The following TANC2 variants were observed in gnomAD, a reference collection of about 807,000 sequenced individuals.
TANC2 encodes protein TANC2.
TANC2 carries 26 observed loss-of-function variants against 210.5 expected under a neutral mutation model. The observed-to-expected ratio is 0.12, with a 90% CI of 0.09 to 0.17. The LOEUF is 0.17. TANC2 is among the 10% of genes least tolerant of loss of function. The pLI is 1.00. For missense variants in TANC2, 2,129 were observed against 2,608.9 expected (o/e 0.82, Z 4.01); for synonymous variants, 931 against 967.1 (o/e 0.96, Z 0.69).
chr17:63,240,406 T>G (rs2042742572), intron 8 of TANC2, among the ~76,000 whole-genome samples: 1 of 152,204 alleles, frequency 6.6e-6, no homozygotes, highest in South Asian at 2.1e-4. Flanking sequence ...ACTGTCTTCT[T>G]CCTACTTACT....
intron 2 of TANC2, among the ~76,000 whole-genome samples, chr17:63,073,182 ATATTT>A (rs1298925733): frequency 6.6e-6 from 1 of 152,056 alleles, no homozygotes; most frequent in Non-Finnish European, 1.5e-5. Context: ...GTTTAGTTTC[ATATTT>A]TATATTATAC....
intron 14 of TANC2, among the ~76,000 whole-genome samples, chr17:63,367,631 G>A (rs866687422): frequency 9.9e-5 from 15 of 152,264 alleles, no homozygotes; most frequent in African/African-American, 3.6e-4. Flanking sequence ...AGTTCAGCCT[G>A]GAAGTATGGG....
chr17:63,189,018 T>C (rs1327167467), intron 5 of TANC2, among the ~76,000 whole-genome samples: 1 of 152,192 alleles, frequency 6.6e-6, no homozygotes, highest in African/African-American at 2.4e-5. Context: ...TTTCATATGA[T>C]TGGAATCACA....
intron 21 of TANC2, among the ~76,000 whole-genome samples, 194 bp from the exon 22 acceptor site, chr17:63,411,317 T>A (rs1045257564): frequency 6.6e-6 from 1 of 152,238 alleles, no homozygotes; most frequent in Non-Finnish European, 1.5e-5. Context: ...ACGACTGGAA[T>A]CTGTTTTATT....
At chr17:63,424,215 C>T (rs1039737418) in exon 28 of TANC2, 3 of 152,228 alleles carry the variant, frequency 2.0e-5, no homozygotes, top group African/African-American at 7.2e-5. Flanking sequence ...TGCCGCTTCT[C>T]CCCAGGGTCT....
chr17:63,146,521 G>C (rs996442009), intron 4 of TANC2, among the ~76,000 whole-genome samples: 2 of 151,722 alleles, frequency 1.3e-5, no homozygotes, highest in Non-Finnish European at 2.9e-5. Flanking sequence ...TACTTTCTTG[G>C]TACTTTTATT....
At chr17:63,045,867 C>T (rs1276159264) in intron 2 of TANC2, among the ~76,000 whole-genome samples, 1 of 152,046 alleles carries the variant, frequency 6.6e-6, no homozygotes, top group African/African-American at 2.4e-5. Context: ...TCTTGAACTC[C>T]TGGGCTCAAG....
chr17:63,177,891 T>C (rs2040644619), intron 5 of TANC2, among the ~76,000 whole-genome samples: 1 of 152,216 alleles, frequency 6.6e-6, no homozygotes, highest in Non-Finnish European at 1.5e-5. Context: ...TTGTGGGAAG[T>C]ATAAATAAAC....
At chr17:63,121,893 G>A (rs2038494358) in intron 4 of TANC2, among the ~76,000 whole-genome samples, 1 of 151,582 alleles carries the variant, frequency 6.6e-6, no homozygotes, top group Non-Finnish European at 1.5e-5. Flanking sequence ...CTTGAGCCCA[G>A]GAGTTCTAGG....
intron 2 of TANC2, among the ~76,000 whole-genome samples, chr17:63,053,237 TGA>T (rs931635787): frequency 1.5e-4 from 23 of 152,230 alleles, no homozygotes; most frequent in Non-Finnish European, 3.1e-4. Context: ...CCATGTCTAG[TGA>T]GAGATAAAAC....
chr17:63,025,822 TA>T (rs2034530163), intron 2 of TANC2, among the ~76,000 whole-genome samples: 1 of 53,818 alleles, frequency 1.9e-5, no homozygotes, highest in Admixed American at 1.8e-4. Flanking sequence ...AAAATTAAAT[TA>T]AAATAAAATA....
Position 63,419,986 on chromosome 17 carries a change from T to C in TANC2, c.4269-13T>C, listed in dbSNP as rs942305838. The C allele has an allele frequency of 1.3e-6, 2 of 1,526,128 alleles. No homozygotes were observed. Among genetic ancestry groups the C allele is most frequent in the Admixed American group, 4.1e-5 (2 of 48,392 alleles). The allele number at this position is 1,526,128 out of a possible 1,614,324, so 94.5% of individuals were successfully genotyped here. Reference sequence around the variant, plus strand: ...AATAACTCCAGTTCCTGTGTTCACATTTTGTCAAGCAGACAGTTCGCAGCA... The same window carrying C: ...AATAACTCCAGTTCCTGTGTTCACACTTTGTCAAGCAGACAGTTCGCAGCA... On this transcript the variant is annotated splice_polypyrimidine_tract_variant and intron_variant, in intron 27 of 27. Coordinates refer to ENST00000689528, the Ensembl canonical transcript of TANC2.
intron 1 of TANC2, among the ~76,000 whole-genome samples, chr17:62,979,384 C>T (rs1285264564): frequency 6.6e-6 from 1 of 152,014 alleles, no homozygotes; most frequent in Admixed American, 6.6e-5. Context: ...CAGTTTTGGT[C>T]TGTTATATGG....
chr17:63,128,067 T>G (rs1354599970), intron 4 of TANC2, among the ~76,000 whole-genome samples: 1 of 152,202 alleles, frequency 6.6e-6, no homozygotes, highest in Admixed American at 6.5e-5. Flanking sequence ...AATTAAATTA[T>G]GTATATGTTA....
At chr17:63,316,796 A>G (rs2045327567) in intron 10 of TANC2, among the ~76,000 whole-genome samples, 1 of 152,170 alleles carries the variant, frequency 6.6e-6, no homozygotes, top group Non-Finnish European at 1.5e-5. Context: ...AGAATAAGTG[A>G]CTGATATAAT....
chr17:63,214,078 A>G (rs2041961133), intron 7 of TANC2, among the ~76,000 whole-genome samples: 1 of 152,218 alleles, frequency 6.6e-6, no homozygotes, highest in Non-Finnish European at 1.5e-5. Context: ...AACCATGGAA[A>G]GGAGACTCCA....
intron 14 of TANC2, among the ~76,000 whole-genome samples, chr17:63,376,557 T>C (rs1252731180): frequency 6.6e-6 from 1 of 152,148 alleles, no homozygotes; most frequent in East Asian, 1.9e-4. Context: ...CCATCATACA[T>C]AGGAATCATC....
At chr17:63,079,682 G>C (rs1386596572) in intron 3 of TANC2, among the ~76,000 whole-genome samples, 1 of 152,184 alleles carries the variant, frequency 6.6e-6, no homozygotes, top group Non-Finnish European at 1.5e-5. Context: ...CTGCCTGATT[G>C]TGGATACAGT....
chr17:63,173,920 CAAG>C (rs1296261217), intron 5 of TANC2, among the ~76,000 whole-genome samples: 8 of 152,202 alleles, frequency 5.3e-5, no homozygotes. Context: ...GTAAAAATGA[CAAG>C]AACACTATTT....
Sources: allele counts gnomAD v4.1 joint callset (sites outside exome capture counted in the v4.1 genomes callset), GRCh38; gene constraint gnomAD v4.1.1; transcripts MANE v1.5; gene names NCBI Gene and HGNC (gene_info 2026-07-23, HGNC 2026-07-21).